RHCE: variants seen among roughly 807,000 people sequenced by gnomAD.
RHCE encodes the protein Rh blood group CcEe antigens.
RHCE carries 22 observed loss-of-function variants against 43.8 expected under a neutral mutation model. That is an observed-to-expected ratio of 0.50 (90% CI 0.36 to 0.72). RHCE has a LOEUF of 0.72. RHCE is among the 30% of genes least tolerant of loss of function. The pLI is 0.00. For missense variants in RHCE, 385 were observed against 525.4 expected, an observed-to-expected ratio of 0.73 and a Z score of 2.61; for synonymous variants, 156 against 210.7, an observed-to-expected ratio of 0.74 and a Z score of 2.25.
chr1:25,411,645 G>A (rs531258248), intron 1 of RHCE, among the ~76,000 whole-genome samples: 1 of 152,292 alleles, frequency 6.6e-6, no homozygotes, highest in East Asian at 1.9e-4. Flanking sequence ...ACAGCAAGGA[G>A]GGAGGTGCAG....
chr1:25,391,578 C>T (rs184875057), intron 4 of RHCE, among the ~76,000 whole-genome samples: 9 of 152,114 alleles, frequency 5.9e-5, no homozygotes, highest in Admixed American at 2.0e-4. Context: ...GCTCACTGCC[C>T]GATTTTCTAT....
At chr1:25,412,860 A>C (rs891311556) in intron 1 of RHCE, among the ~76,000 whole-genome samples, 6 of 151,782 alleles carry the variant, frequency 4.0e-5, no homozygotes, top group African/African-American at 1.5e-4. Context: ...TCCCGTCTCT[A>C]CTAAAAATAC....
intron 6 of RHCE, among the ~76,000 whole-genome samples, chr1:25,387,628 G>A (rs1363036214): frequency 6.6e-6 from 1 of 152,110 alleles, no homozygotes; most frequent in African/African-American, 2.4e-5. Context: ...AAAGCCAGAG[G>A]AGATAAAAGA....
intron 7 of RHCE, among the ~76,000 whole-genome samples, chr1:25,379,097 T>C (rs887507127): frequency 9.9e-5 from 15 of 152,114 alleles, no homozygotes; most frequent in Non-Finnish European, 1.6e-4. Flanking sequence ...ATATAGCTCA[T>C]GGTTCTGGAG....
chr1:25,400,975 T>A lies in RHCE; in HGVS notation c.486+1621A>T, dbSNP rs539988405. 7.2e-5 allele frequency among the ~76,000 whole-genome samples: 11 copies of A among 152,316 alleles called. No individual in the cohort carries two copies. In the South Asian group the frequency reaches 1.9e-3, roughly 26 times the overall value. On this transcript the variant is annotated intron_variant, in intron 3 of 9. Coordinates refer to ENST00000294413, the MANE Select transcript of RHCE (RefSeq NM_020485.8). ...CACAGCTATTGTCCTAGTCTGAGTC[T>A]GGATGATGGCCATCACTGCTGCTCT...
intron 3 of RHCE, among the ~76,000 whole-genome samples, chr1:25,396,292 G>A (rs569597366): frequency 2.0e-5 from 3 of 152,326 alleles, no homozygotes; most frequent in South Asian, 2.1e-4. Flanking sequence ...TGTAATCCTC[G>A]ACCACAAAAA....
At chr1:25,392,201 T>C in intron 3 of RHCE, 60 bp from the exon 4 acceptor site, 1 of 1,613,096 alleles carries the variant, frequency 6.2e-7, no homozygotes, top group South Asian at 1.1e-5. Context: ...GGGAAAGCCC[T>C]GATGGTCCTT....
At chr1:25,376,890 G>C (rs1645805120) in intron 7 of RHCE, among the ~76,000 whole-genome samples, 1 of 151,680 alleles carries the variant, frequency 6.6e-6, no homozygotes, top group East Asian at 1.9e-4. Flanking sequence ...CTCCAGCCTG[G>C]GCAACAGAGC....
chr1:25,377,099 C>T (rs1463814469), intron 7 of RHCE, among the ~76,000 whole-genome samples: 1 of 152,038 alleles, frequency 6.6e-6, no homozygotes, highest in African/African-American at 2.4e-5. Flanking sequence ...AGTTTGCTTC[C>T]TCCCCAGCTC....
chr1:25,395,381 G>A (rs1390716723), intron 3 of RHCE, among the ~76,000 whole-genome samples: 1 of 152,118 alleles, frequency 6.6e-6, no homozygotes, highest in Non-Finnish European at 1.5e-5. Flanking sequence ...GAAAGCTGGT[G>A]TACAGAGATG....
At chr1:25,379,489 A>T (rs1571846998) in intron 7 of RHCE, among the ~76,000 whole-genome samples, 1 of 19,694 alleles carries the variant, frequency 5.1e-5, no homozygotes, top group East Asian at 3.6e-3. Context: ...ATATATATAT[A>T]TATATATTTT....
chr1:25,411,363 C>T, intron 1 of RHCE: 1 of 1,550,558 alleles, frequency 6.4e-7, no homozygotes, highest in East Asian at 2.4e-5. Flanking sequence ...CCAGCCCTGG[C>T]TTTGATAACA....
chr1:25,419,325 A>G lies in RHCE; in HGVS notation c.148+1314T>C, dbSNP rs28375446. ...AATTGTATTGGATTGAAATGAATTA[A>G]AGTAAATTGAAATGAATTAAAATTG... On this transcript the variant is annotated intron_variant, in intron 1 of 9. Transcript: ENST00000294413. 5.9e-5 allele frequency among the ~76,000 whole-genome samples: 9 copies of G among 152,224 alleles called. No individual in the cohort carries two copies. In the South Asian group the frequency reaches 1.0e-3, roughly 18 times the overall value.
At chr1:25,376,283 C>T (rs150757677) in intron 7 of RHCE, among the ~76,000 whole-genome samples, 37 of 152,278 alleles carry the variant, frequency 2.4e-4, no homozygotes, top group Non-Finnish European at 4.6e-4. Context: ...ACGGGGGCCC[C>T]TGGATGCTGA....
intron 3 of RHCE, among the ~76,000 whole-genome samples, chr1:25,395,262 G>A (rs1189772896): frequency 2.7e-5 from 4 of 145,976 alleles, no homozygotes; most frequent in African/African-American, 1.0e-4. Flanking sequence ...CTACAGAATT[G>A]AGACTAACTG....
chr1:25,396,972 G>A (rs1455061453), intron 3 of RHCE, among the ~76,000 whole-genome samples: 1 of 147,420 alleles, frequency 6.8e-6, no homozygotes, highest in Non-Finnish European at 1.5e-5. Flanking sequence ...AAATTAACTG[G>A]GCATGGTGGC....
At chr1:25,418,964 T>C (rs185188817) in intron 1 of RHCE, among the ~76,000 whole-genome samples, 72 of 152,344 alleles carry the variant, frequency 4.7e-4, no homozygotes, top group African/African-American at 1.3e-3. Flanking sequence ...CTGGGTTATA[T>C]GACAAATGAC....
chr1:25,389,475 T>C (rs1178407093), intron 5 of RHCE, among the ~76,000 whole-genome samples: 1 of 152,188 alleles, frequency 6.6e-6, no homozygotes, highest in Non-Finnish European at 1.5e-5. Flanking sequence ...GGTCTTGCTA[T>C]GTTGCCTGGG....
chr1:25,411,587 G>C (rs1453677032), intron 1 of RHCE: 36 of 801,080 alleles, frequency 4.5e-5, no homozygotes, highest in African/African-American at 7.0e-5. Flanking sequence ...TTGGGGCGTG[G>C]GTGAGAAGTG....
Sources: gnomAD v4.1 joint callset for allele counts (sites outside exome capture counted in the v4.1 genomes callset) on GRCh38, gnomAD v4.1.1 for gene constraint, MANE v1.5 for transcripts, NCBI Gene and HGNC (gene_info 2026-07-23, HGNC 2026-07-21) for gene names.